The following BET1 variants were observed in gnomAD, a reference collection of about 807,000 sequenced individuals.
The protein encoded by BET1 is BET1 homolog.
BET1 carries 9 observed loss-of-function variants against 13.9 expected under a neutral mutation model. The observed-to-expected ratio is 0.65, with a 90% CI of 0.39 to 1.13. The LOEUF (loss-of-function observed/expected upper bound fraction) is 1.13, where lower values mean the gene tolerates loss of function less well. Among genes scored for constraint, BET1 ranks in the 50% most tolerant of loss-of-function variants. The pLI is 0.01. For missense variants in BET1, 127 were observed against 133.6 expected (o/e 0.95, Z 0.24); for synonymous variants, 39 against 47.3 (o/e 0.82, Z 0.72).
In BET1 at chr7:94,000,126, G is replaced by A. The variant is rs536194063; in HGVS notation, c.20-832C>T. ...ACTATACTTTTTTTTTTTTTTTGAGGTGGAGTCTCGCTCTGTCGCCCAAGC... is the reference window on the plus strand; with the variant it reads ...ACTATACTTTTTTTTTTTTTTTGAGATGGAGTCTCGCTCTGTCGCCCAAGC... On this transcript the variant is annotated intron_variant, in intron 1 of 3. Coordinates refer to ENST00000222547, the MANE Select transcript of BET1 (RefSeq NM_005868.6). Among the ~76,000 whole-genome samples the A allele has an allele frequency of 2.6e-3, 396 of 149,956 alleles. 1 individual carries two copies. Among genetic ancestry groups the A allele is most frequent in the South Asian group, 3.8e-3 (18 of 4,734 alleles).
intron 4 of BET1, among the ~76,000 whole-genome samples, chr7:93,979,096 G>A (rs997804705): frequency 6.6e-6 from 1 of 152,206 alleles, no homozygotes; most frequent in African/African-American, 2.4e-5. Context: ...TGGAAGTCCA[G>A]TTGGTGGTAT....
chr7:94,003,250 A>G (rs1795951751), intron 1 of BET1, among the ~76,000 whole-genome samples: 1 of 152,136 alleles, frequency 6.6e-6, no homozygotes, highest in East Asian at 1.9e-4. Flanking sequence ...TTCATTAAAA[A>G]AACAAAAAAC....
chr7:93,980,553 T>G (rs1795408897), intron 4 of BET1, among the ~76,000 whole-genome samples: 1 of 152,162 alleles, frequency 6.6e-6, no homozygotes, highest in African/African-American at 2.4e-5. Flanking sequence ...GAAAAGCATT[T>G]GATAAAATTT....
downstream of BET1, chr7:93,991,974 G>A (rs1584140304): frequency 3.0e-6 from 3 of 985,144 alleles, no homozygotes; most frequent in East Asian, 3.4e-4. Flanking sequence ...TTTTCATGGG[G>A]ACAGGTGCTA....
chr7:94,002,719 C>T (rs548137521), intron 1 of BET1, among the ~76,000 whole-genome samples: 1 of 152,162 alleles, frequency 6.6e-6, no homozygotes, highest in East Asian at 1.9e-4. Flanking sequence ...TCTTTGGCCT[C>T]GCATGCAAAG....
exon 7 of BET1, chr7:93,963,086 CA>C (rs1184508998): frequency 1.3e-5 from 2 of 152,094 alleles, no homozygotes; most frequent in African/African-American, 4.8e-5. Flanking sequence ...CACAGATGCT[CA>C]TTCCCTAACC....
chr7:93,995,073 T>C (rs924101133), intron 3 of BET1, among the ~76,000 whole-genome samples: 2 of 152,228 alleles, frequency 1.3e-5, no homozygotes, highest in African/African-American at 4.8e-5. Context: ...CTTGAACTAC[T>C]GACCTCAGGT....
intron 4 of BET1, among the ~76,000 whole-genome samples, chr7:93,983,672 C>T (rs1004731307): frequency 2.6e-5 from 4 of 152,090 alleles, no homozygotes; most frequent in African/African-American, 7.2e-5. Flanking sequence ...AGAATATTTT[C>T]CTTGATTTCA....
intron 2 of BET1, among the ~76,000 whole-genome samples, chr7:93,998,473 C>A (rs546360361): frequency 6.6e-6 from 1 of 151,818 alleles, no homozygotes; most frequent in Non-Finnish European, 1.5e-5. Context: ...CCAAGGCGGG[C>A]GGATCACCTG....
intron 6 of BET1, among the ~76,000 whole-genome samples, chr7:93,966,634 A>C (rs1395009089): frequency 2.0e-5 from 3 of 151,612 alleles, no homozygotes; most frequent in African/African-American, 7.3e-5. Context: ...AGATAGGGGA[A>C]TATACTATCT....
intron 6 of BET1, chr7:93,969,467 T>A (rs1263379053): frequency 6.6e-6 from 1 of 151,770 alleles, no homozygotes; most frequent in African/African-American, 2.4e-5. Context: ...ATTTAACAAG[T>A]AAACTCACAT....
In BET1 at chr7:93,984,571, G is replaced by A. The variant is rs190117813; in HGVS notation, c.236-8471C>T. The stretch of plus-strand genomic sequence containing the variant: ...TGAACCAGAAACAAAGATAAATGTC[G>A]TGGGTTAAAAAAAAAAATGTTGTAA... On this transcript the variant is annotated intron_variant and NMD_transcript_variant, in intron 4 of 6. Coordinates refer to the BET1 transcript ENST00000357520. Among the ~76,000 whole-genome samples, 450 of 151,894 alleles carry A rather than the reference G, an allele frequency of 3.0e-3. 3 individuals are homozygous for A. Among genetic ancestry groups the A allele is most frequent in the African/African-American group, 0.01 (434 of 41,446 alleles).
At chr7:93,963,923 A>T (rs1036373074) in exon 7 of BET1, 8 of 152,046 alleles carry the variant, frequency 5.3e-5, no homozygotes, top group African/African-American at 1.7e-4. Flanking sequence ...AAAATTAGCT[A>T]GGCATGATGC....
At chr7:94,000,882 A>T (rs577490091) in intron 1 of BET1, among the ~76,000 whole-genome samples, 1 of 152,286 alleles carries the variant, frequency 6.6e-6, no homozygotes, top group African/African-American at 2.4e-5. Flanking sequence ...TGCACCTATA[A>T]TCCCAGCTAC....
chr7:93,988,254 T>C (rs912377766), downstream of BET1, among the ~76,000 whole-genome samples: 3 of 152,216 alleles, frequency 2.0e-5, no homozygotes, highest in African/African-American at 7.2e-5. Context: ...AATATGTCTT[T>C]CCTAAATGAA....
intron 1 of BET1, among the ~76,000 whole-genome samples, chr7:94,001,946 A>G (rs1044761562): frequency 1.1e-4 from 17 of 152,212 alleles, no homozygotes; most frequent in Non-Finnish European, 2.4e-4. Context: ...ATTTATTCAA[A>G]GTGAAATTCT....
chr7:93,989,569 G>C (rs1222432483), downstream of BET1, among the ~76,000 whole-genome samples: 1 of 152,132 alleles, frequency 6.6e-6, no homozygotes, highest in Non-Finnish European at 1.5e-5. Context: ...TCACAGTAGG[G>C]AGCCTGGCAT....
chr7:93,996,220 G>A (rs377165651), intron 3 of BET1, 45 bp downstream of exon 3: 23 of 1,346,002 alleles, frequency 1.7e-5, no homozygotes, highest in African/African-American at 1.2e-4. Context: ...TATTATTTGC[G>A]AATATTAGAT....
chr7:93,962,936 T>C (rs1795116335), exon 7 of BET1: 1 of 152,090 alleles, frequency 6.6e-6, no homozygotes, highest in African/African-American at 2.4e-5. Flanking sequence ...TCTTTAACTA[T>C]TGGAAATGAA....
Sources: gnomAD v4.1 joint callset for allele counts (sites outside exome capture counted in the v4.1 genomes callset) on GRCh38, gnomAD v4.1.1 for gene constraint, MANE v1.5 for transcripts, NCBI Gene and HGNC (gene_info 2026-07-23, HGNC 2026-07-21) for gene names.